Variants in LRIT1 observed in about 807,000 individuals in gnomAD.
LRIT1 encodes the protein leucine-rich repeat, immunoglobulin-like domain and transmembrane domain-containing protein 1.
Under a neutral mutation model 24.0 loss-of-function variants are expected in LRIT1, and 23 were observed. The ratio of observed to expected loss-of-function variants is 0.96; its 90% CI spans 0.69 to 1.36. The LOEUF (loss-of-function observed/expected upper bound fraction) is 1.36, where lower values mean the gene tolerates loss of function less well. Among genes scored for constraint, LRIT1 ranks in the 40% most tolerant of loss-of-function variants. LRIT1 has a pLI of 0.00. For synonymous variants in LRIT1, 361 were observed against 340.5 expected (o/e 1.06, Z -0.66); for missense variants, 846 against 806.3 (o/e 1.05, Z -0.60).
At position 84,241,503 on chromosome 10, in the gene LRIT1, C is replaced by CAGCAAGCCA; in HGVS notation, c.-65_-64insTGGCTTGCT. On this transcript the variant is annotated 5_prime_UTR_variant, in exon 1 of 4. Coordinates refer to ENST00000372105, the MANE Select transcript of LRIT1 (RefSeq NM_015613.3). ...CCTGGACCGCTCCGTCCCACCGGCCCAGCAAGCTCAGCAGCTGCCCACTTG... is the reference window on the plus strand; with the variant it reads ...CCTGGACCGCTCCGTCCCACCGGCCCAGCAAGCCAAGCAAGCTCAGCAGCTGCCCACTTG... 1 of 1,427,666 alleles carries CAGCAAGCCA rather than the reference C, an allele frequency of 7.0e-7. No homozygotes were observed. 88.4% of individuals were successfully genotyped at this position (1,427,666 alleles called of 1,614,324 possible).
rs1179208125 is a variant in LRIT1 at position 84,232,855 on chromosome 10, A to C, written c.944T>G (p.Leu315Arg). 6.2e-7 allele frequency: 1 copy of C among 1,613,048 alleles called. No homozygotes were observed. The highest frequency in any genetic ancestry group is 1.3e-5 in the African/African-American group (1 of 74,938). Reference protein sequence around the residue: ...SDGTSWTLLGLPAVSHLDSGD... With the variant: ...SDGTSWTLLGRPAVSHLDSGD... Reference sequence around the variant, plus strand: ...GGAGTCAAGGTGGGACACTGCAGGCAGGCCCAGCAGAGTCCAGCTCGTGCC... The same window carrying C: ...GGAGTCAAGGTGGGACACTGCAGGCCGGCCCAGCAGAGTCCAGCTCGTGCC... The change falls in exon 4 of 4, where the codon CTG (leucine) becomes CGG (arginine). Residue 315 changes from leucine to arginine, a missense_variant. By Grantham distance (102) the Leu-to-Arg change is moderately radical. Coordinates refer to ENST00000372105, the MANE Select transcript of LRIT1 (RefSeq NM_015613.3).
At chr10:84,236,517 G>A (rs1013079730) in intron 2 of LRIT1, among the ~76,000 whole-genome samples, 2 of 152,102 alleles carry the variant, frequency 1.3e-5, no homozygotes, top group Non-Finnish European at 2.9e-5. Context: ...AAAGATCTAC[G>A]AGATATAGTG....
chr10:84,234,167 C>A lies in LRIT1; in HGVS notation c.801G>T (p.Leu267Phe), dbSNP rs149121025. ...HPGVASIRSL[L>F]GGTALLRCGA... ...CACAGCGTAGCAGTGCTGTGCCACCCAAAAGGGACCTGATGCTGGCCACTC... is the reference window on the plus strand; with the variant it reads ...CACAGCGTAGCAGTGCTGTGCCACCAAAAAGGGACCTGATGCTGGCCACTC... The change falls in exon 3 of 4, where the codon TTG becomes TTT. Residue 267 changes from leucine to phenylalanine, a missense_variant. Coordinates refer to ENST00000372105, the MANE Select transcript of LRIT1 (RefSeq NM_015613.3). The A allele has an allele frequency of 4.3e-6, 7 of 1,613,778 alleles. No individual in the cohort carries two copies. The highest frequency in any genetic ancestry group is 5.9e-6 in the Non-Finnish European group (7 of 1,179,926).
rs1397912316 is a variant in LRIT1 at position 84,237,482 on chromosome 10, C to T, written c.327G>A (p.Leu109=). Residue 109 remains leucine, a synonymous_variant, in exon 2 of 4, where the codon CTG becomes CTA. Coordinates refer to ENST00000372105, the MANE Select transcript of LRIT1 (RefSeq NM_015613.3). ...NALMLRGLRR[L]RELRLPGNRL... is the part of the protein sequence containing the mutation. ...GGTTCCCGGGCAGCCGCAGCTCCCG[C>T]AGGCGTCGCAGGCCCCGCAGCATGA... 1.3e-6 allele frequency: 2 copies of T among 1,587,440 alleles called. No homozygotes were observed. The highest frequency in any genetic ancestry group is 2.3e-5 in the East Asian group (1 of 43,978).
rs910875857 is a variant in LRIT1 at position 84,237,286 on chromosome 10, T to C, written c.523A>G (p.Ile175Val). The C allele has an allele frequency of 6.4e-7, 1 of 1,550,998 alleles. No individual in the cohort carries two copies. Among genetic ancestry groups the C allele is most frequent in the Non-Finnish European group, 8.7e-7 (1 of 1,146,970 alleles). ...GTCTCCAGGTGAGCCCAGGAGACGA[T>C]GAGCTCCTGCGGGAGCCTCATCAGC... ...NQLMRLPQEL[I>V]VSWAHLETGI... The change falls in exon 2 of 4, where the codon ATC becomes GTC. Residue 175 changes from isoleucine to valine, a missense_variant. Physicochemically the swap from Ile to Val is conservative, Grantham distance 29. Coordinates refer to ENST00000372105, the MANE Select transcript of LRIT1 (RefSeq NM_015613.3).
Position 84,232,205 on chromosome 10 carries a change from C to A in LRIT1, c.1594G>T (p.Val532Leu), listed in dbSNP as rs779891945. ...ENTQQLINVV[V>L]ISVAIVIALP... is the part of the protein sequence containing the mutation. ...GCAATGACGATGGCCACACTGATCA[C>A]CACCACATTGATAAGCTGCTGAGTG... The change falls in exon 4 of 4, where the codon GTG becomes TTG. Residue 532 changes from valine (V) to leucine (L), a missense_variant. Coordinates refer to ENST00000372105, the MANE Select transcript of LRIT1 (RefSeq NM_015613.3). 42 of 1,614,086 alleles carry A rather than the reference C, an allele frequency of 2.6e-5. No homozygotes were observed. The highest frequency in any genetic ancestry group is 5.5e-5 in the South Asian group (5 of 91,090).
intron 1 of LRIT1, among the ~76,000 whole-genome samples, chr10:84,238,572 C>T (rs11200934): frequency 0.19 from 28,344 of 152,062 alleles, 2,974 homozygotes; most frequent in Non-Finnish European, 0.23. Flanking sequence ...TGCTTGCTGG[C>T]TGTGTGTCCT....
Position 84,232,907 on chromosome 10 carries a change from G to A in LRIT1, c.896-4C>T. The A allele has an allele frequency of 6.2e-7, 1 of 1,607,638 alleles. No individual in the cohort carries two copies. Among genetic ancestry groups the A allele is most frequent in the Non-Finnish European group, 8.5e-7 (1 of 1,178,956 alleles). Reference sequence around the variant, plus strand: ...TCACTGGAGACTTCCTGGTGCACTAGGAGGAAAACAGGCATGTGTGGGAGA... The same window carrying A: ...TCACTGGAGACTTCCTGGTGCACTAAGAGGAAAACAGGCATGTGTGGGAGA... On this transcript the variant is annotated splice_region_variant and splice_polypyrimidine_tract_variant and intron_variant, in intron 3 of 3. Coordinates refer to ENST00000372105, the MANE Select transcript of LRIT1 (RefSeq NM_015613.3).
rs981720806 is a variant in LRIT1 at position 84,232,757 on chromosome 10, G to A, written c.1042C>T (p.Pro348Ser). ...ETVISLIVTE[P>S]PTSTEHSGSP... ...CCACTGTGTTCTGTGGAAGTCGGTG[G>A]CTCAGTGACAATCAAGGAGATAACA... The change falls in exon 4 of 4, where the codon CCA (proline) becomes TCA (serine). Residue 348 changes from proline to serine, a missense_variant. Physicochemically the swap from Pro to Ser is moderately conservative, Grantham distance 74. Transcript: ENST00000372105. 6.2e-7 allele frequency: 1 copy of A among 1,613,950 alleles called. No individual in the cohort carries two copies. The highest frequency in any genetic ancestry group is 1.3e-5 in the African/African-American group (1 of 74,946).
At position 84,241,544 on chromosome 10, in the gene LRIT1, C is replaced by T. The variant is rs1842691971; in HGVS notation, c.-105G>A. ...TGCCCACTTGCTCGCCAGCCCCTTACACCCCCTCCTGAGGCCATCGGATAA... is the reference window on the plus strand; with the variant it reads ...TGCCCACTTGCTCGCCAGCCCCTTATACCCCCTCCTGAGGCCATCGGATAA... On this transcript the variant is annotated 5_prime_UTR_variant, in exon 1 of 4. Coordinates refer to ENST00000372105, the MANE Select transcript of LRIT1 (RefSeq NM_015613.3). The T allele has an allele frequency of 1.6e-6, 2 of 1,215,314 alleles. No homozygotes were observed. Among genetic ancestry groups the T allele is most frequent in the South Asian group, 1.6e-5 (1 of 62,786 alleles). 75.3% of individuals were successfully genotyped at this position (1,215,314 alleles called of 1,614,324 possible).
At chr10:84,234,697 G>T (rs992550928) in intron 2 of LRIT1, among the ~76,000 whole-genome samples, 11 of 152,168 alleles carry the variant, frequency 7.2e-5, no homozygotes, top group Admixed American at 2.6e-4. Flanking sequence ...TCAGGCCACT[G>T]GCCAGGCAGT....
intron 2 of LRIT1, among the ~76,000 whole-genome samples, chr10:84,235,954 A>T (rs926104815): frequency 1.3e-5 from 2 of 151,448 alleles, no homozygotes; most frequent in African/African-American, 4.8e-5. Context: ...CTGTGACCTG[A>T]TAACTCCACT....
At chr10:84,240,205 T>C (rs530858427) in intron 1 of LRIT1, among the ~76,000 whole-genome samples, 2 of 152,326 alleles carry the variant, frequency 1.3e-5, no homozygotes, top group South Asian at 4.1e-4. Flanking sequence ...GGGAGGCTTT[T>C]TGTCACTCCA....
At position 84,234,377 on chromosome 10, in the gene LRIT1, C is replaced by A. The variant is rs758766505; in HGVS notation, c.591G>T (p.Gly197=). 6.5e-6 allele frequency: 10 copies of A among 1,528,910 alleles called. No individual in the cohort carries two copies. Among genetic ancestry groups the A allele is most frequent in the Non-Finnish European group, 8.8e-6 (10 of 1,137,916 alleles). 94.7% of individuals were successfully genotyped at this position (1,528,910 alleles called of 1,614,324 possible). ...PPGHHPRRVL[G]LQDNPWACDC... is the part of the protein sequence containing the mutation. ...CACATGCCCAGGGGTTGTCCTGTAGCCCTGCAGGAGTAAAAAAGAAGACAA... is the reference window on the plus strand; with the variant it reads ...CACATGCCCAGGGGTTGTCCTGTAGACCTGCAGGAGTAAAAAAGAAGACAA... Residue 197 remains glycine, a splice_region_variant and synonymous_variant, in exon 3 of 4, where the codon GGG becomes GGT. Transcript: ENST00000372105.
chr10:84,231,950 T>C lies in LRIT1; in HGVS notation c.1849A>G (p.Arg617Gly), dbSNP rs751221298. The C allele has an allele frequency of 6.2e-7, 1 of 1,610,760 alleles. No individual in the cohort carries two copies. The highest frequency in any genetic ancestry group is 1.1e-5 in the South Asian group (1 of 90,984). ...CCTCAGCAGAAGTACTCATTGATTCTCCTGCCCCCTTTGACTCCAAAGGCC... is the reference window on the plus strand; with the variant it reads ...CCTCAGCAGAAGTACTCATTGATTCCCCTGCCCCCTTTGACTCCAAAGGCC... ...FQAFGVKGGR[R>G]INEYFC Residue 617 changes from arginine to glycine, a missense_variant, in exon 4 of 4, where the codon AGA becomes GGA. Coordinates refer to ENST00000372105, the MANE Select transcript of LRIT1 (RefSeq NM_015613.3).
At chr10:84,237,784 A>G in intron 1 of LRIT1, 98 bp from the exon 2 acceptor site, 1 of 910,520 alleles carries the variant, frequency 1.1e-6, no homozygotes, top group African/African-American at 1.7e-5. Context: ...TCTGCCTGTT[A>G]TCACCGGACA....
chr10:84,234,119 G>A lies in LRIT1; in HGVS notation c.849C>T (p.Pro283=), dbSNP rs376960383. 8.7e-5 allele frequency: 138 copies of A among 1,590,998 alleles called. No homozygotes were observed. The highest frequency in any genetic ancestry group is 7.0e-5 in the Admixed American group (4 of 57,004). The change falls in exon 3 of 4, where the codon CCC becomes CCT. Residue 283 remains proline (P), a synonymous_variant. Transcript: ENST00000372105. ...CATTGGCCCTCCTCCAGCTCATCTC[G>A]GGCCCAGGGACTCCAGTAGCTCCAC... ...LRCGATGVPG[P]EMSWRRANGR... is the part of the protein sequence containing the mutation.
chr10:84,237,790 G>T, intron 1 of LRIT1, 104 bp from the exon 2 acceptor site: 1 of 859,024 alleles, frequency 1.2e-6, no homozygotes, highest in Non-Finnish European at 1.8e-6. Context: ...TGTTATCACC[G>T]GACACCCACA....
intron 1 of LRIT1, among the ~76,000 whole-genome samples, chr10:84,238,341 CA>C (rs1236125770): frequency 6.8e-6 from 1 of 146,764 alleles, no homozygotes; most frequent in Non-Finnish European, 1.5e-5. Context: ...GGTGACACAG[CA>C]AGACTGTCTC....
Sources: gnomAD v4.1 joint callset for allele counts (sites outside exome capture counted in the v4.1 genomes callset) on GRCh38, gnomAD v4.1.1 for gene constraint, MANE v1.5 for transcripts, NCBI Gene and HGNC (gene_info 2026-07-23, HGNC 2026-07-21) for gene names.